Variants in WEE2 observed in about 807,000 individuals in gnomAD.
The protein encoded by WEE2 is wee1-like protein kinase 2.
A neutral mutation model predicts 60.1 loss-of-function variants in WEE2; 50 were observed. The ratio of observed to expected loss-of-function variants is 0.83; its 90% confidence interval spans 0.66 to 1.05. WEE2 has a LOEUF of 1.05. Among genes scored for constraint, WEE2 ranks in the 50% least tolerant of loss-of-function variants. The probability of loss-of-function intolerance (pLI) is 0.00; values close to 1 mark genes in which losing one functional copy is unlikely to be tolerated. For missense variants in WEE2, 631 were observed against 684.3 expected (o/e 0.92, Z 0.87); for synonymous variants, 240 against 241.0 (o/e 1.00, Z 0.04).
rs1266575613 is a variant in WEE2 at position 141,718,421 on chromosome 7, A to G, written c.586-651A>G. Among the ~76,000 whole-genome samples, 14 of 152,246 alleles carry G rather than the reference A, an allele frequency of 9.2e-5. No homozygotes were observed. In the South Asian group the frequency reaches 2.9e-3, roughly 32 times the overall value. On this transcript the variant is annotated intron_variant, in intron 3 of 11. Transcript: ENST00000397541. ...AGAGTGTTGCCATGATCTTCATCCT[A>G]CAGATAGGAAAACTGAAAGGAGTTC... is the stretch of plus-strand genomic sequence containing the variant.
chr7:141,723,690 C>T (rs1245618626), intron 6 of WEE2, among the ~76,000 whole-genome samples: 1 of 151,668 alleles, frequency 6.6e-6, no homozygotes, highest in Non-Finnish European at 1.5e-5. Flanking sequence ...ATTTTGGGGA[C>T]AATAGTACTC....
rs1048624433 is a variant in WEE2 at position 141,708,564 on chromosome 7, G to C, written c.-195G>C. On this transcript the variant is annotated 5_prime_UTR_variant, in exon 1 of 12. It removes the in-frame stop codon of an upstream open reading frame in the 5' UTR. Transcript: ENST00000397541. Reference sequence around the variant, plus strand: ...ATCAGAATGGAAATCAGGATAAGCTGAGGTCTTATAGATTGGTGGTACTTA... The same window carrying C: ...ATCAGAATGGAAATCAGGATAAGCTCAGGTCTTATAGATTGGTGGTACTTA... 21 of 595,322 alleles carry C rather than the reference G, an allele frequency of 3.5e-5. No homozygotes were observed. Among genetic ancestry groups the C allele is most frequent in the Non-Finnish European group, 6.3e-5 (21 of 335,200 alleles). The allele number at this position is 595,322 out of a possible 1,614,324, so 36.9% of individuals were successfully genotyped here.
intron 1 of WEE2, among the ~76,000 whole-genome samples, chr7:141,710,952 G>A (rs1798700836): frequency 6.6e-6 from 1 of 152,190 alleles, no homozygotes; most frequent in African/African-American, 2.4e-5. Context: ...GCATGAGAGA[G>A]CCTGGAGGTA....
Position 141,711,422 on chromosome 7 carries a change from C to A in WEE2, c.342+2322C>A, listed in dbSNP as rs567948905. 6.6e-6 allele frequency among the ~76,000 whole-genome samples: 1 copy of A among 152,032 alleles called. No homozygotes were observed. Among genetic ancestry groups the A allele is most frequent in the African/African-American group, 2.4e-5 (1 of 41,400 alleles). ...ACATACTTTATGAAAACACAGTTTG[C>A]GTTAGAGGAAAGAGGCTTGATGGCT... is the stretch of plus-strand genomic sequence containing the variant. On this transcript the variant is annotated intron_variant, in intron 1 of 11. Coordinates refer to ENST00000397541, the MANE Select transcript of WEE2 (RefSeq NM_001105558.1). This position sits in a 1 kb window ranked among gnomAD's most constrained non-coding sequence, Gnocchi z 4.2.
intron 5 of WEE2, 46 bp downstream of exon 5, chr7:141,721,102 T>C (rs777524232): frequency 1.2e-5 from 20 of 1,610,648 alleles, no homozygotes; most frequent in Non-Finnish European, 2.5e-6. Flanking sequence ...AGATGAACTT[T>C]ATAAGCCTTC....
intron 4 of WEE2, 122 bp downstream of exon 4, chr7:141,719,366 A>G: frequency 1.1e-6 from 1 of 924,354 alleles, no homozygotes; most frequent in Non-Finnish European, 1.6e-6. Flanking sequence ...AAATCACCCC[A>G]CATTATATGT....
At chr7:141,729,076 G>C (rs1199371480) in intron 10 of WEE2, among the ~76,000 whole-genome samples, 1 of 152,178 alleles carries the variant, frequency 6.6e-6, no homozygotes, top group Non-Finnish European at 1.5e-5. Flanking sequence ...TGCTTTGTGG[G>C]CCATATGCTT....
rs576224101 is a variant in WEE2 at position 141,727,324 on chromosome 7, C to T, written c.1413C>T (p.Ala471=). Residue 471 remains alanine, a synonymous_variant, in exon 10 of 12, where the codon GCC becomes GCT. Coordinates refer to ENST00000397541, the MANE Select transcript of WEE2 (RefSeq NM_001105558.1). ...ATCAGAACATGATCCAACCTGATGCCGAACAGAGACCTTCTGCAGCAGCTC... is the reference window on the plus strand; with the variant it reads ...ATCAGAACATGATCCAACCTGATGCTGAACAGAGACCTTCTGCAGCAGCTC... ...SLLKNMIQPD[A]EQRPSAAALA... is the part of the protein sequence containing the mutation. 6.3e-5 allele frequency: 102 copies of T among 1,614,066 alleles called. No individual in the cohort carries two copies. The highest frequency in any genetic ancestry group is 7.3e-5 in the Non-Finnish European group (86 of 1,179,980).
Position 141,714,396 on chromosome 7 carries a change from G to C in WEE2, c.530G>C (p.Arg177Thr). ...FLQSGGKRKIRGDLEEAGPEE... is the reference protein window; with the variant it reads ...FLQSGGKRKITGDLEEAGPEE... ...CAATCTGGTGGCAAGAGGAAAATAA[G>C]AGGAGATCTGTAAGTGCTCTATTAC... Residue 177 changes from arginine to threonine, a missense_variant, in exon 2 of 12, where the codon AGA (arginine) becomes ACA (threonine). Arg to Thr is a moderately conservative substitution (Grantham distance 71). Coordinates refer to ENST00000397541, the MANE Select transcript of WEE2 (RefSeq NM_001105558.1). 2 of 1,609,834 alleles carry C rather than the reference G, an allele frequency of 1.2e-6. No homozygotes were observed. The highest frequency in any genetic ancestry group is 8.5e-7 in the Non-Finnish European group (1 of 1,178,200).
chr7:141,717,060 A>G (rs1468388604), intron 3 of WEE2, among the ~76,000 whole-genome samples: 3 of 152,234 alleles, frequency 2.0e-5, no homozygotes, highest in Non-Finnish European at 4.4e-5. Flanking sequence ...ATTGCCATTA[A>G]GATGTTTATA....
chr7:141,719,246 T>C lies in WEE2; in HGVS notation c.758+2T>C. 1 of 1,596,030 alleles carries C rather than the reference T, an allele frequency of 6.3e-7. No individual in the cohort carries two copies. Among genetic ancestry groups the C allele is most frequent in the Non-Finnish European group, 8.5e-7 (1 of 1,172,456 alleles). On this transcript the variant is annotated splice_donor_variant, in intron 4 of 11. Transcript: ENST00000397541. LOFTEE classifies it high-confidence loss of function. The stretch of plus-strand genomic sequence containing the variant: ...AACTTTTACAGAATTATCAAATGAG[T>C]GAGTACCTTTGAAATGCACTAAAAA...
intron 9 of WEE2, among the ~76,000 whole-genome samples, chr7:141,726,039 G>A (rs544124547): frequency 5.3e-5 from 8 of 152,274 alleles, no homozygotes; most frequent in African/African-American, 1.9e-4. Flanking sequence ...AAGGCATAAT[G>A]TCAATTCAAA....
At chr7:141,717,366 C>T (rs900694044) in intron 3 of WEE2, among the ~76,000 whole-genome samples, 1 of 152,208 alleles carries the variant, frequency 6.6e-6, no homozygotes, top group Non-Finnish European at 1.5e-5. Flanking sequence ...CACAGGTGTT[C>T]CTTCAAATGC....
At position 141,727,367 on chromosome 7, in the gene WEE2, C is replaced by T. The variant is rs778404357; in HGVS notation, c.1456C>T (p.Leu486Phe). 6.2e-7 allele frequency: 1 copy of T among 1,614,188 alleles called. No homozygotes were observed. Among genetic ancestry groups the T allele is most frequent in the Admixed American group, 1.7e-5 (1 of 60,020 alleles). Residue 486 changes from leucine to phenylalanine, a missense_variant, in exon 10 of 12, where the codon CTC (leucine) becomes TTC (phenylalanine). Coordinates refer to ENST00000397541, the MANE Select transcript of WEE2 (RefSeq NM_001105558.1). Reference protein sequence around the residue: ...SAAALARNTVLRPSLGKTEEL... With the variant: ...SAAALARNTVFRPSLGKTEEL... Reference sequence around the variant, plus strand: ...AGCAGCTCTGGCCAGAAATACAGTTCTCCGGCCTTCCCTGGGAAAAACAGA... The same window carrying T: ...AGCAGCTCTGGCCAGAAATACAGTTTTCCGGCCTTCCCTGGGAAAAACAGA...
At chr7:141,715,631 C>A (rs1798781223) in intron 2 of WEE2, among the ~76,000 whole-genome samples, 1 of 152,188 alleles carries the variant, frequency 6.6e-6, no homozygotes, top group South Asian at 2.1e-4. Flanking sequence ...ATATCTCATC[C>A]CGGGTTAGAG....
chr7:141,720,962 T>G lies in WEE2; in HGVS notation c.786T>G (p.Ala262=), dbSNP rs1798897735. ...ATTCGGCTTTGCATGAAGTTTATGCTCACGCAGTGCTTGGGCATCACCCCC... is the reference window on the plus strand; with the variant it reads ...ATTCGGCTTTGCATGAAGTTTATGCGCACGCAGTGCTTGGGCATCACCCCC... ...NENSALHEVY[A]HAVLGHHPHV... is the part of the protein sequence containing the mutation. The change falls in exon 5 of 12, where the codon GCT becomes GCG. Residue 262 remains alanine (A), a synonymous_variant. Coordinates refer to ENST00000397541, the MANE Select transcript of WEE2 (RefSeq NM_001105558.1). The G allele has an allele frequency of 6.2e-7, 1 of 1,614,082 alleles. No homozygotes were observed. The highest frequency in any genetic ancestry group is 2.2e-5 in the East Asian group (1 of 44,886).
chr7:141,709,312 G>A lies in WEE2; in HGVS notation c.342+212G>A, dbSNP rs149887949. ...GCCAGTTGTCTTCTCAAAACCACTG[G>A]TGCCAGTAACTGTTGGCTATTGGCC... On this transcript the variant is annotated intron_variant, in intron 1 of 11. Coordinates refer to ENST00000397541, the MANE Select transcript of WEE2 (RefSeq NM_001105558.1). Among the ~76,000 whole-genome samples the A allele has an allele frequency of 1.5e-3, 235 of 152,300 alleles. 3 individuals are homozygous for A. The highest frequency in any genetic ancestry group is 5.5e-3 in the African/African-American group (230 of 41,550).
chr7:141,715,688 C>T (rs919328614), intron 2 of WEE2, among the ~76,000 whole-genome samples: 2 of 152,084 alleles, frequency 1.3e-5, no homozygotes, highest in African/African-American at 4.8e-5. Flanking sequence ...ATTACAAAGC[C>T]AGATTCTAGG....
At position 141,729,639 on chromosome 7, in the gene WEE2, G is replaced by A; in HGVS notation, c.1644G>A (p.Val548=). 1 of 1,613,894 alleles carries A rather than the reference G, an allele frequency of 6.2e-7. No individual in the cohort carries two copies. Among genetic ancestry groups the A allele is most frequent in the Non-Finnish European group, 8.5e-7 (1 of 1,179,970 alleles). The change falls in exon 11 of 12, where the codon GTG becomes GTA. Residue 548 remains valine, a synonymous_variant. Coordinates refer to ENST00000397541, the MANE Select transcript of WEE2 (RefSeq NM_001105558.1). ...HTGSRSTKRL[V]GGKSARSSSF... The stretch of plus-strand genomic sequence containing the variant: ...GATCAAGAAGCACAAAACGCCTGGT[G>A]GGAGGAAAGAGTGCAAGGTCTTCAA...
Sources: gnomAD v4.1 joint callset for allele counts (sites outside exome capture counted in the v4.1 genomes callset) on GRCh38, gnomAD v4.1.1 for gene constraint, Gnocchi (gnomAD v3.1) non-coding constraint, MANE v1.5 for transcripts, NCBI Gene and HGNC (gene_info 2026-07-23, HGNC 2026-07-21) for gene names.